The following MYRIP variants were observed in gnomAD, a reference collection of about 807,000 sequenced individuals.
MYRIP encodes the protein myosin VIIA and Rab interacting protein.
Under a neutral mutation model 98.0 loss-of-function variants are expected in MYRIP, and 49 were observed. The observed-to-expected ratio is 0.50, with a 90% CI of 0.40 to 0.63. MYRIP has a LOEUF of 0.63. Ranked by LOEUF, MYRIP falls within the 30% of genes least tolerant of loss-of-function variation. The pLI is 0.00. For synonymous variants in MYRIP, 404 were observed against 409.5 expected (o/e 0.99, Z 0.16); for missense variants, 1,004 against 1,058.2 (o/e 0.95, Z 0.71).
chr3:40,236,347 A>G (rs1474024219), intron 12 of MYRIP, among the ~76,000 whole-genome samples: 1 of 152,200 alleles, frequency 6.6e-6, no homozygotes, highest in Non-Finnish European at 1.5e-5. Context: ...TGTTTAGGTT[A>G]AAGGACTTTG....
chr3:40,168,103 T>C (rs188209771), intron 7 of MYRIP, among the ~76,000 whole-genome samples: 1 of 152,356 alleles, frequency 6.6e-6, no homozygotes, highest in African/African-American at 2.4e-5. Flanking sequence ...TTGGTTTTTC[T>C]GGCAACCTGC....
chr3:39,917,517 TGAGA>T (rs1252014402), intron 2 of MYRIP, among the ~76,000 whole-genome samples: 18 of 151,092 alleles, frequency 1.2e-4, no homozygotes, highest in South Asian at 6.4e-4. Flanking sequence ...CTTTAAGCCT[TGAGA>T]GAGATGTGAC....
At chr3:39,951,033 C>A (rs1945001170) in intron 2 of MYRIP, among the ~76,000 whole-genome samples, 1 of 152,132 alleles carries the variant, frequency 6.6e-6, no homozygotes, top group Admixed American at 6.6e-5. Context: ...ATTTTGGAAA[C>A]TCTGACTGAG....
chr3:39,953,233 TA>T (rs1193159742), intron 2 of MYRIP, among the ~76,000 whole-genome samples: 1 of 152,196 alleles, frequency 6.6e-6, no homozygotes, highest in African/African-American at 2.4e-5. Context: ...AGTCCCAAGC[TA>T]AAATTCCACA....
intron 12 of MYRIP, among the ~76,000 whole-genome samples, chr3:40,239,299 G>C (rs1575669655): frequency 6.6e-6 from 1 of 150,570 alleles, no homozygotes; most frequent in South Asian, 2.1e-4. Flanking sequence ...TCTTAATCCA[G>C]TCTATCATTG....
chr3:39,943,722 C>T (rs969487641), intron 2 of MYRIP, among the ~76,000 whole-genome samples: 22 of 152,122 alleles, frequency 1.4e-4, no homozygotes, highest in African/African-American at 5.3e-4. Context: ...GATACAGACC[C>T]TTGGAGCCCT....
intron 3 of MYRIP, among the ~76,000 whole-genome samples, chr3:40,131,702 G>A (rs1949645591): frequency 6.6e-6 from 1 of 152,098 alleles, no homozygotes; most frequent in Non-Finnish European, 1.5e-5. Context: ...GATATCAGCA[G>A]TTACATTTTG....
In MYRIP at chr3:39,848,902, G is replaced by GA. The variant is rs750639288; in HGVS notation, c.-31+38994dup. ...ATATCTCTGTGGTAAGGAGGAGTTG[G>GA]AAAAAAAAGAGCAGACCTAGGAAAA... On this transcript the variant is annotated intron_variant, in intron 1 of 16. Transcript: ENST00000302541. Among the ~76,000 whole-genome samples, 22 of 151,796 alleles carry GA rather than the reference G, an allele frequency of 1.4e-4. 1 individual carries two copies. The East Asian group carries it at 3.7e-3, about 25-fold the overall frequency.
intron 3 of MYRIP, among the ~76,000 whole-genome samples, chr3:40,129,477 TC>T (rs1949595019): frequency 4.0e-5 from 2 of 49,710 alleles, no homozygotes; most frequent in African/African-American, 6.5e-5. Flanking sequence ...AAAAAAAAAA[TC>T]ATGCCACCTC....
intron 2 of MYRIP, 97 bp from the exon 3 acceptor site, chr3:40,043,953 C>A: frequency 8.8e-7 from 1 of 1,131,234 alleles, no homozygotes; most frequent in Non-Finnish European, 1.3e-6. Flanking sequence ...GGTAGCTTGG[C>A]CTAAGGGAGG....
chr3:40,086,536 C>G (rs1213136379), intron 3 of MYRIP, among the ~76,000 whole-genome samples: 1 of 152,208 alleles, frequency 6.6e-6, no homozygotes, highest in East Asian at 1.9e-4. Context: ...TGCTCTTCGC[C>G]AGGTTTCAGG....
In MYRIP at chr3:39,835,704, A is replaced by G. The variant is rs138710014; in HGVS notation, c.-31+25788A>G. Among the ~76,000 whole-genome samples the G allele has an allele frequency of 7.9e-3, 1,210 of 152,218 alleles. 11 individuals carry two copies. The highest frequency in any genetic ancestry group is 0.027 in the African/African-American group (1,142 of 41,530). ...GGTTTGCTGTACCTATCAACCTGTT[A>G]TCTACATTAGGTATTTCTCCTAATG... is the stretch of plus-strand genomic sequence containing the variant. On this transcript the variant is annotated intron_variant, in intron 1 of 16. Transcript: ENST00000302541.
At chr3:40,145,527 C>G (rs941517118) in intron 3 of MYRIP, among the ~76,000 whole-genome samples, 1 of 152,178 alleles carries the variant, frequency 6.6e-6, no homozygotes, top group Non-Finnish European at 1.5e-5. Context: ...CAGAAGTAGG[C>G]TTTGCCATGG....
At position 40,027,608 on chromosome 3, in the gene MYRIP, ACTTATT is replaced by A. The variant is rs528207894; in HGVS notation, c.111-16436_111-16431del. 6.8e-4 allele frequency among the ~76,000 whole-genome samples: 104 copies of A among 152,242 alleles called. 1 individual carries two copies. Among genetic ancestry groups the A allele is most frequent in the Admixed American group, 6.1e-3 (93 of 15,280 alleles). On this transcript the variant is annotated intron_variant, in intron 2 of 16. Coordinates refer to ENST00000302541, the MANE Select transcript of MYRIP (RefSeq NM_015460.4). ...ATGTTATCTTCAGTCTGAGTATCCT[ACTTATT>A]CTTATGAGAATACCTCATAATTTAT... is the stretch of plus-strand genomic sequence containing the variant.
chr3:39,912,569 A>G (rs920205629), intron 2 of MYRIP, among the ~76,000 whole-genome samples: 2 of 152,232 alleles, frequency 1.3e-5, no homozygotes, highest in African/African-American at 2.4e-5. Flanking sequence ...GTTTTAGACT[A>G]TATAAAAGAG....
intron 11 of MYRIP, among the ~76,000 whole-genome samples, chr3:40,214,112 T>A (rs1952044420): frequency 6.6e-6 from 1 of 152,168 alleles, no homozygotes. Flanking sequence ...TGTCTCAGGG[T>A]CATCTTCTGG....
chr3:40,009,372 G>T (rs552902807), intron 2 of MYRIP, among the ~76,000 whole-genome samples: 2 of 152,016 alleles, frequency 1.3e-5, no homozygotes, highest in African/African-American at 4.8e-5. Context: ...GAGTAGCTGG[G>T]ACTCCAGGCA....
chr3:40,257,172 A>AAGTT (rs572663100), intron 16 of MYRIP, among the ~76,000 whole-genome samples: 3 of 152,192 alleles, frequency 2.0e-5, no homozygotes, highest in East Asian at 3.9e-4. Flanking sequence ...AAAAAATAAA[A>AAGTT]AGTTAGCCAG....
intron 11 of MYRIP, among the ~76,000 whole-genome samples, chr3:40,225,675 G>A (rs896673920): frequency 6.6e-6 from 1 of 152,136 alleles, no homozygotes; most frequent in Non-Finnish European, 1.5e-5. Context: ...TCAGGTTGCT[G>A]TCATGGTTGA....
Sources: allele counts gnomAD v4.1 joint callset (sites outside exome capture counted in the v4.1 genomes callset), GRCh38; gene constraint gnomAD v4.1.1; transcripts MANE v1.5; gene names NCBI Gene and HGNC (gene_info 2026-07-23, HGNC 2026-07-21).